Variants in ZNF346 observed in about 807,000 individuals in gnomAD.
ZNF346 encodes the protein zinc finger protein 346.
Under a neutral mutation model 33.7 loss-of-function variants are expected in ZNF346, and 23 were observed. The ratio of observed to expected loss-of-function variants is 0.68; its 90% CI spans 0.49 to 0.97. The LOEUF (loss-of-function observed/expected upper bound fraction) is 0.97. ZNF346 is among the 50% of genes least tolerant of loss of function. The pLI is 0.00. For missense variants in ZNF346, 340 were observed against 371.1 expected, an observed-to-expected ratio of 0.92 and a Z score of 0.69; for synonymous variants, 134 against 142.4, an observed-to-expected ratio of 0.94 and a Z score of 0.42.
chr5:177,051,529 T>C (rs1275261345), intron 5 of ZNF346, among the ~76,000 whole-genome samples: 2 of 149,948 alleles, frequency 1.3e-5, no homozygotes, highest in Non-Finnish European at 1.5e-5. Flanking sequence ...GAAATCCCTC[T>C]GTTTTTGTTT....
At chr5:177,044,564 G>A (rs1454750685) in intron 4 of ZNF346, 31 bp downstream of exon 4, 2 of 1,610,992 alleles carry the variant, frequency 1.2e-6, no homozygotes. Context: ...TGCTATAGTG[G>A]GACCCCTGCC....
At chr5:177,034,207 T>C (rs1469262797) in intron 1 of ZNF346, among the ~76,000 whole-genome samples, 1 of 150,862 alleles carries the variant, frequency 6.6e-6, no homozygotes, top group Non-Finnish European at 1.5e-5. Flanking sequence ...TTCTTTCTTT[T>C]TTTTTTTTTT....
chr5:177,061,494 C>T (rs1434634807), intron 5 of ZNF346, among the ~76,000 whole-genome samples: 1 of 152,192 alleles, frequency 6.6e-6, no homozygotes, highest in African/African-American at 2.4e-5. Context: ...TAGCTAAGAT[C>T]ACTTGAAAGC....
chr5:177,026,642 G>A (rs1295721619), intron 1 of ZNF346, among the ~76,000 whole-genome samples: 12 of 152,138 alleles, frequency 7.9e-5, no homozygotes, highest in Admixed American at 1.3e-4. Context: ...GATTACAGGT[G>A]TGAGCCACCA....
At chr5:177,056,416 A>T (rs1781682753) in intron 5 of ZNF346, among the ~76,000 whole-genome samples, 1 of 152,186 alleles carries the variant, frequency 6.6e-6, no homozygotes, top group African/African-American at 2.4e-5. Context: ...CCATCCCATT[A>T]CTGGGTATAT....
At chr5:177,069,380 A>T (rs1172830070), downstream of ZNF346, among the ~76,000 whole-genome samples, 8 of 150,454 alleles carry the variant, frequency 5.3e-5, no homozygotes, top group Admixed American at 2.6e-4. Flanking sequence ...TGAACCTGGG[A>T]GGCGGAGGTT....
chr5:177,063,249 G>A (rs55730132), intron 6 of ZNF346, among the ~76,000 whole-genome samples: 20,029 of 152,162 alleles, frequency 0.13, 1,680 homozygotes, highest in East Asian at 0.18. Context: ...TTACAGACAA[G>A]GAAACTGAGT....
chr5:177,055,855 C>T (rs1781599883), intron 5 of ZNF346, among the ~76,000 whole-genome samples: 1 of 152,024 alleles, frequency 6.6e-6, no homozygotes, highest in Non-Finnish European at 1.5e-5. Context: ...GCAGGCAGAT[C>T]ACCTGAGGTC....
Position 177,065,807 on chromosome 5 carries a change from C to T in ZNF346, c.*1208C>T, listed in dbSNP as rs1451498464. 1 of 151,846 alleles carries T rather than the reference C, an allele frequency of 6.6e-6. No homozygotes were observed. Among genetic ancestry groups the T allele is most frequent in the Non-Finnish European group, 1.5e-5 (1 of 68,028 alleles). The allele number at this position is 151,846 out of a possible 1,614,324, so 9.4% of individuals were successfully genotyped here. A position where few individuals can be genotyped will look rare whatever the true frequency, so the allele number is the denominator to read the frequency against. On this transcript the variant is annotated 3_prime_UTR_variant, in exon 7 of 7. Coordinates refer to ENST00000358149, the MANE Select transcript of ZNF346 (RefSeq NM_012279.4). Reference sequence around the variant, plus strand: ...CTGCTCTCGTGGCCTCCTTCCCCCACTCCCTATCCCTTCACCTGTGAAATG... The same window carrying T: ...CTGCTCTCGTGGCCTCCTTCCCCCATTCCCTATCCCTTCACCTGTGAAATG...
At chr5:177,036,579 G>T (rs925631587) in intron 1 of ZNF346, among the ~76,000 whole-genome samples, 10 of 152,066 alleles carry the variant, frequency 6.6e-5, no homozygotes, top group African/African-American at 9.7e-5. Context: ...TGAGTATGTG[G>T]CTAACTTGGG....
At chr5:177,061,978 C>A in intron 5 of ZNF346, 80 bp from the exon 6 acceptor site, 3 of 1,250,548 alleles carry the variant, frequency 2.4e-6, no homozygotes, top group Non-Finnish European at 3.5e-6. Flanking sequence ...CTTAGAAGGG[C>A]ATTTGTACAC....
At chr5:177,042,836 T>A (rs994963596) in intron 3 of ZNF346, among the ~76,000 whole-genome samples, 5 of 151,986 alleles carry the variant, frequency 3.3e-5, no homozygotes, top group Non-Finnish European at 7.4e-5. Context: ...GCTCAAGTGA[T>A]CCTCCCACTT....
At chr5:177,028,086 G>A (rs1363902683) in intron 1 of ZNF346, among the ~76,000 whole-genome samples, 6 of 100,354 alleles carry the variant, frequency 6.0e-5, no homozygotes, top group African/African-American at 2.0e-4. Flanking sequence ...ACGGGGTCTT[G>A]CCAGGCTGGA....
downstream of ZNF346, among the ~76,000 whole-genome samples, chr5:177,071,436 C>T (rs2149717855): frequency 6.6e-6 from 1 of 151,912 alleles, no homozygotes. Flanking sequence ...CCTGTAATCC[C>T]AGCACTTTGG....
intron 1 of ZNF346, among the ~76,000 whole-genome samples, chr5:177,026,510 C>G (rs1251532033): frequency 6.6e-6 from 1 of 151,830 alleles, no homozygotes; most frequent in Non-Finnish European, 1.5e-5. Context: ...CAGGAGGGTG[C>G]TACCACACCC....
rs1383434548 is a variant in ZNF346 at position 177,067,872 on chromosome 5, A to G, written c.*3273A>G. Among the ~76,000 whole-genome samples the G allele has an allele frequency of 6.6e-6, 1 of 152,192 alleles. No individual in the cohort carries two copies. The highest frequency in any genetic ancestry group is 2.4e-5 in the African/African-American group (1 of 41,442). On this transcript the variant is annotated 3_prime_UTR_variant, in exon 7 of 7. Transcript: ENST00000358149. ...GTAATCCCAGCACTTTGGGAGGCCA[A>G]GGCGGGTGTATCACTTGCGGCCGGG...
chr5:177,029,986 C>G (rs1430505726), intron 1 of ZNF346, among the ~76,000 whole-genome samples: 1 of 152,152 alleles, frequency 6.6e-6, no homozygotes. Flanking sequence ...GGGACACCAA[C>G]TGGTGTCCAC....
Position 177,062,151 on chromosome 5 carries a change from A to G in ZNF346, c.797A>G (p.Gln266Arg). Residue 266 changes from glutamine (Q) to arginine (R), a missense_variant and splice_region_variant, in exon 6 of 7, where the codon CAG becomes CGG. Coordinates refer to ENST00000358149, the MANE Select transcript of ZNF346 (RefSeq NM_012279.4). ...AHVSGFKHKN[Q>R]SPKTVASSLG... ...GTCAGCGGCTTCAAACACAAGAACCAGTAAGTAACCATTTTTTGAAATTCT... is the reference window on the plus strand; with the variant it reads ...GTCAGCGGCTTCAAACACAAGAACCGGTAAGTAACCATTTTTTGAAATTCT... 6.2e-7 allele frequency: 1 copy of G among 1,613,672 alleles called. No homozygotes were observed. Among genetic ancestry groups the G allele is most frequent in the East Asian group, 2.2e-5 (1 of 44,878 alleles).
chr5:177,022,898 G>C lies in ZNF346; in HGVS notation c.160G>C (p.Val54Leu), dbSNP rs1297437845. The C allele has an allele frequency of 6.7e-7, 1 of 1,495,832 alleles. No individual in the cohort carries two copies. The allele number at this position is 1,495,832 out of a possible 1,614,324, so 92.7% of individuals were successfully genotyped here. A position where few individuals can be genotyped will look rare whatever the true frequency, so the allele number is the denominator to read the frequency against. ...LWEAVSGAQP[V>L]GREEVEHMIQ... ...GGAAGCCGTGTCCGGTGCCCAGCCG[G>C]TGGGTAGAGAGGAAGGTGAGTCGGG... The change falls in exon 1 of 7, where the codon GTG becomes CTG. Residue 54 changes from valine to leucine, a missense_variant. Coordinates refer to ENST00000358149, the MANE Select transcript of ZNF346 (RefSeq NM_012279.4).
Sources: gnomAD v4.1 joint callset for allele counts (sites outside exome capture counted in the v4.1 genomes callset) on GRCh38, gnomAD v4.1.1 for gene constraint, MANE v1.5 for transcripts, NCBI Gene and HGNC (gene_info 2026-07-23, HGNC 2026-07-21) for gene names.